Variants in BTLA observed in about 807,000 individuals in gnomAD.
BTLA encodes B and T lymphocyte associated.
Under a neutral mutation model 25.0 loss-of-function variants are expected in BTLA, and 11 were observed. That is an observed-to-expected ratio of 0.44 (90% CI 0.28 to 0.73). BTLA has a LOEUF of 0.73. Ranked by LOEUF, BTLA falls within the 30% of genes least tolerant of loss-of-function variation. The pLI is 0.15. For synonymous variants in BTLA, 104 were observed against 119.8 expected (o/e 0.87, Z 0.86); for missense variants, 282 against 332.8 (o/e 0.85, Z 1.19).
At chr3:112,484,872 G>A (rs1321294017) in intron 1 of BTLA, among the ~76,000 whole-genome samples, 2 of 152,138 alleles carry the variant, frequency 1.3e-5, no homozygotes, top group Non-Finnish European at 2.9e-5. Context: ...TTCTTGAATG[G>A]AGGAATGAAC....
chr3:112,473,547 C>A (rs545771905), intron 2 of BTLA, among the ~76,000 whole-genome samples: 1 of 152,068 alleles, frequency 6.6e-6, no homozygotes, highest in South Asian at 2.1e-4. Context: ...TGCCCTCTCA[C>A]TCCACACCCA....
At chr3:112,469,179 G>A (rs1352445163) in intron 4 of BTLA, among the ~76,000 whole-genome samples, 1 of 152,072 alleles carries the variant, frequency 6.6e-6, no homozygotes, top group Non-Finnish European at 1.5e-5. Context: ...TTATAGGAAA[G>A]ATTGACTCCA....
rs992425895 is a variant in BTLA at position 112,465,864 on chromosome 3, T to C, written c.*244A>G. 21 of 373,744 alleles carry C rather than the reference T, an allele frequency of 5.6e-5. No individual in the cohort carries two copies. The highest frequency in any genetic ancestry group is 1.0e-4 in the Non-Finnish European group (21 of 209,684). The allele number at this position is 373,744 out of a possible 1,614,324, so 23.2% of individuals were successfully genotyped here. On this transcript the variant is annotated 3_prime_UTR_variant, in exon 5 of 5. Coordinates refer to ENST00000334529, the MANE Select transcript of BTLA (RefSeq NM_181780.4). ...AAACGTTCTACTATTCTGCTACTCA[T>C]GATGTCAACCAGTTTTGGAGAGATT...
At chr3:112,489,604 T>C (rs753774708) in intron 1 of BTLA, among the ~76,000 whole-genome samples, 7 of 152,152 alleles carry the variant, frequency 4.6e-5, no homozygotes, top group African/African-American at 7.2e-5. Flanking sequence ...GAGTTTAACA[T>C]AGAAATTAAA....
intron 2 of BTLA, among the ~76,000 whole-genome samples, chr3:112,474,153 CA>C (rs2082277352): frequency 6.6e-6 from 1 of 152,080 alleles, no homozygotes; most frequent in African/African-American, 2.4e-5. Flanking sequence ...ACATAAACAG[CA>C]AAAGAAAGTC....
chr3:112,497,300 C>T (rs1364553342), intron 1 of BTLA, among the ~76,000 whole-genome samples: 1 of 152,128 alleles, frequency 6.6e-6, no homozygotes, highest in Non-Finnish European at 1.5e-5. Context: ...ACAGCAGCCC[C>T]ATAATTTAGG....
upstream of BTLA, chr3:112,499,472 T>TA (rs71631393): frequency 0.15 from 59,789 of 408,702 alleles, 4,007 homozygotes; most frequent in African/African-American, 0.46. Context: ...GTGAAATAAC[T>TA]AAAAAAAAAA....
At chr3:112,483,251 C>G (rs964043459) in intron 1 of BTLA, among the ~76,000 whole-genome samples, 1 of 146,066 alleles carries the variant, frequency 6.8e-6, no homozygotes, top group Non-Finnish European at 1.5e-5. Context: ...CGGGTTTAAG[C>G]GATTCTCCTG....
chr3:112,489,293 G>T (rs923835498), intron 1 of BTLA, among the ~76,000 whole-genome samples: 1 of 152,094 alleles, frequency 6.6e-6, no homozygotes, highest in Non-Finnish European at 1.5e-5. Context: ...GTAACTCCCA[G>T]CTGAGCAAGT....
rs185779124 is a variant in BTLA at position 112,467,252 on chromosome 3, T to G, written c.595-869A>C. On this transcript the variant is annotated intron_variant, in intron 4 of 4. Transcript: ENST00000334529. ...GAGGATTATAGACGTGAGCCACCACTCCCGGCAAGAAAATTCTTACCGTTT... is the reference window on the plus strand; with the variant it reads ...GAGGATTATAGACGTGAGCCACCACGCCCGGCAAGAAAATTCTTACCGTTT... Among the ~76,000 whole-genome samples, 259 of 152,210 alleles carry G rather than the reference T, an allele frequency of 1.7e-3. 1 individual carries two copies. Among genetic ancestry groups the G allele is most frequent in the South Asian group, 9.3e-3 (45 of 4,818 alleles).
intron 2 of BTLA, among the ~76,000 whole-genome samples, chr3:112,476,969 G>A (rs560336186): frequency 3.3e-5 from 5 of 152,124 alleles, no homozygotes; most frequent in East Asian, 1.9e-4. Flanking sequence ...TTTACTTAGC[G>A]TAATGCTTCT....
chr3:112,491,270 C>T (rs1193856394), intron 1 of BTLA, among the ~76,000 whole-genome samples: 1 of 152,146 alleles, frequency 6.6e-6, no homozygotes, highest in Non-Finnish European at 1.5e-5. Flanking sequence ...TTCTTTGCCA[C>T]TTGCCCACAG....
At chr3:112,480,037 A>T (rs547806571) in intron 1 of BTLA, among the ~76,000 whole-genome samples, 1 of 152,358 alleles carries the variant, frequency 6.6e-6, no homozygotes, top group East Asian at 1.9e-4. Context: ...GCACGTATAC[A>T]TCCAGATGGC....
chr3:112,483,838 C>G (rs568438739), intron 1 of BTLA, among the ~76,000 whole-genome samples: 1 of 151,798 alleles, frequency 6.6e-6, no homozygotes, highest in Non-Finnish European at 1.5e-5. Context: ...TGTGGTGGTG[C>G]GTGCCTGTAA....
chr3:112,490,214 A>T lies in BTLA; in HGVS notation c.88+9057T>A, dbSNP rs566398347. Among the ~76,000 whole-genome samples the T allele has an allele frequency of 2.1e-3, 313 of 152,322 alleles. 3 individuals are homozygous for T. Among genetic ancestry groups the T allele is most frequent in the African/African-American group, 7.1e-3 (294 of 41,572 alleles). ...GTATTATGTAATGTCTATTAAAGGT[A>T]TTACTTTAACTCTGTGGTAAATAAA... On this transcript the variant is annotated intron_variant, in intron 1 of 4. Transcript: ENST00000334529.
intron 1 of BTLA, among the ~76,000 whole-genome samples, chr3:112,482,752 C>T (rs1390779732): frequency 1.3e-5 from 2 of 151,972 alleles, no homozygotes; most frequent in Non-Finnish European, 2.9e-5. Context: ...AAGTTTAGAA[C>T]TAAAATGAAA....
intron 1 of BTLA, among the ~76,000 whole-genome samples, chr3:112,497,767 C>T (rs1389996416): frequency 3.9e-5 from 6 of 152,114 alleles, no homozygotes; most frequent in South Asian, 2.1e-4. Context: ...TTCCAAACTA[C>T]ACAGTTTAAA....
chr3:112,476,948 C>T (rs988692705), intron 2 of BTLA, among the ~76,000 whole-genome samples: 9 of 152,062 alleles, frequency 5.9e-5, no homozygotes, highest in Non-Finnish European at 8.8e-5. Context: ...TGTATGTAAC[C>T]TTTTTCTTCT....
chr3:112,466,418 T>G, intron 4 of BTLA, 35 bp from the exon 5 acceptor site: 1 of 1,523,190 alleles, frequency 6.6e-7, no homozygotes, highest in Non-Finnish European at 8.8e-7. Flanking sequence ...TAAGTGACAC[T>G]TACGGCCATG....
Sources: allele counts gnomAD v4.1 joint callset (sites outside exome capture counted in the v4.1 genomes callset), GRCh38; gene constraint gnomAD v4.1.1; transcripts MANE v1.5; gene names NCBI Gene and HGNC (gene_info 2026-07-23, HGNC 2026-07-21).